PARVA: variants seen among roughly 807,000 people sequenced by gnomAD.
PARVA encodes the protein alpha-parvin.
A neutral mutation model predicts 52.6 loss-of-function variants in PARVA; 25 were observed. The observed-to-expected ratio is 0.48, with a 90% CI of 0.35 to 0.66. PARVA has a LOEUF of 0.66. Among genes scored for constraint, PARVA ranks in the 30% least tolerant of loss-of-function variants. The pLI, the probability that PARVA is intolerant of heterozygous loss-of-function variation, is 0.01. For missense variants in PARVA, 373 were observed against 450.9 expected (o/e 0.83, Z 1.56); for synonymous variants, 185 against 179.1 (o/e 1.03, Z -0.26).
chr11:12,481,843 C>T (rs542170208), intron 4 of PARVA, among the ~76,000 whole-genome samples: 41 of 152,074 alleles, frequency 2.7e-4, no homozygotes, highest in Non-Finnish European at 1.0e-4. Context: ...AGGGGCCTCT[C>T]GTAGCCCAGG....
chr11:12,378,377 A>G (rs1288898022), intron 1 of PARVA, among the ~76,000 whole-genome samples: 1 of 152,032 alleles, frequency 6.6e-6, no homozygotes, highest in East Asian at 1.9e-4. Flanking sequence ...GTGGACATCG[A>G]GTGTTTGTTG....
chr11:12,519,509 G>A (rs530714739), intron 12 of PARVA, among the ~76,000 whole-genome samples: 17 of 152,308 alleles, frequency 1.1e-4, no homozygotes, highest in Admixed American at 2.0e-4. Flanking sequence ...GAACTGTTAC[G>A]AAAGAGGTAC....
At chr11:12,417,940 A>G (rs7942354) in intron 1 of PARVA, among the ~76,000 whole-genome samples, 88,750 of 152,050 alleles carry the variant, frequency 0.58, 26,382 homozygotes, top group African/African-American at 0.7. Flanking sequence ...CCTCCAGATT[A>G]GAGACCCCAG....
chr11:12,418,484 C>A (rs563908618), intron 1 of PARVA, among the ~76,000 whole-genome samples: 1 of 152,110 alleles, frequency 6.6e-6, no homozygotes, highest in African/African-American at 2.4e-5. Flanking sequence ...GGGAGGAGGA[C>A]GAAGACAGTT....
rs1391715703 is a variant in PARVA at position 12,508,107 on chromosome 11, A to C, written c.658-477A>C. Among the ~76,000 whole-genome samples, 12 of 127,078 alleles carry C rather than the reference A, an allele frequency of 9.4e-5. No homozygotes were observed. The South Asian group carries it at 2.7e-3, about 29-fold the overall frequency. 83.4% of individuals were successfully genotyped at this position (127,078 alleles called of 152,430 possible). ...CTCCCATATTTATCAGTTAAAAAAA[A>C]AAAAAAAAAAAAAAACCAAAAAAAA... is the stretch of plus-strand genomic sequence containing the variant. On this transcript the variant is annotated intron_variant, in intron 6 of 12. Transcript: ENST00000334956.
At chr11:12,445,099 A>G (rs967461406) in intron 1 of PARVA, among the ~76,000 whole-genome samples, 4 of 152,280 alleles carry the variant, frequency 2.6e-5, no homozygotes, top group African/African-American at 7.2e-5. Flanking sequence ...CTCTGATTGT[A>G]TATGTACTTG....
chr11:12,417,185 ATTCTTAATAAATAGTTGGACG>A, intron 1 of PARVA, among the ~76,000 whole-genome samples: 1 of 152,226 alleles, frequency 6.6e-6, no homozygotes, highest in African/African-American at 2.4e-5. Flanking sequence ...TTAGGAATTT[ATTCTTAATAAATAGTTGGACG>A]AGGTTGTAAA....
At position 12,443,746 on chromosome 11, in the gene PARVA, A is replaced by G. The variant is rs1191634858; in HGVS notation, c.137-29999A>G. Among the ~76,000 whole-genome samples, 6 of 152,116 alleles carry G rather than the reference A, an allele frequency of 3.9e-5. No individual in the cohort carries two copies. In the East Asian group the frequency reaches 1.2e-3, roughly 29 times the overall value. On this transcript the variant is annotated intron_variant, in intron 1 of 12. Transcript: ENST00000334956. ...GCTTGGATGGAAACAGGTGTAGCAT[A>G]ATTTTTGTTTTCCCTTGCCTGTACC...
intron 1 of PARVA, among the ~76,000 whole-genome samples, chr11:12,422,650 G>T (rs1589951847): frequency 1.3e-5 from 2 of 152,086 alleles, no homozygotes; most frequent in South Asian, 2.1e-4. Context: ...CCTGGCACAG[G>T]GCTGCCACCT....
intron 4 of PARVA, among the ~76,000 whole-genome samples, chr11:12,486,866 GGAA>G (rs1427725580): frequency 1.3e-5 from 2 of 152,132 alleles, no homozygotes; most frequent in Admixed American, 6.5e-5. Context: ...ATAAAATAAA[GGAA>G]GAAGATGAAG....
chr11:12,490,031 A>T (rs534399474), intron 4 of PARVA, among the ~76,000 whole-genome samples: 2 of 152,012 alleles, frequency 1.3e-5, no homozygotes, highest in African/African-American at 4.8e-5. Context: ...CCTGGCTAAC[A>T]TGGTGAAACC....
chr11:12,393,044 GA>G (rs60966710), intron 1 of PARVA, among the ~76,000 whole-genome samples: 2,028 of 46,208 alleles, frequency 0.044, 19 homozygotes, highest in South Asian at 0.12. Context: ...CCCAAATTGT[GA>G]AAAAAAAAAA....
chr11:12,528,032 TC>T lies in PARVA; in HGVS notation c.*110del. ...TATTCCTGTCTCTTGCACTGTGCTCTCCCACAAGTCCAGCTGCAACCCAGAG... is the reference window on the plus strand; with the variant it reads ...TATTCCTGTCTCTTGCACTGTGCTCTCCACAAGTCCAGCTGCAACCCAGAG... On this transcript the variant is annotated 3_prime_UTR_variant, in exon 13 of 13. Coordinates refer to ENST00000334956, the MANE Select transcript of PARVA (RefSeq NM_018222.5). 1 of 793,648 alleles carries T rather than the reference TC, an allele frequency of 1.3e-6. No individual in the cohort carries two copies. The highest frequency in any genetic ancestry group is 2.2e-6 in the Non-Finnish European group (1 of 446,252). 49.2% of individuals were successfully genotyped at this position (793,648 alleles called of 1,614,324 possible).
intron 1 of PARVA, among the ~76,000 whole-genome samples, chr11:12,440,050 C>T (rs568389570): frequency 1.3e-5 from 2 of 152,338 alleles, no homozygotes; most frequent in South Asian, 4.1e-4. Context: ...CTCTCCTTCA[C>T]TAGAATATAA....
intron 1 of PARVA, among the ~76,000 whole-genome samples, chr11:12,465,441 G>A (rs1940842268): frequency 6.6e-6 from 1 of 152,112 alleles, no homozygotes; most frequent in South Asian, 2.1e-4. Flanking sequence ...AACAGAAAAT[G>A]GACTAAGACA....
intron 4 of PARVA, among the ~76,000 whole-genome samples, chr11:12,492,116 A>G (rs1336011228): frequency 2.6e-5 from 4 of 152,198 alleles, no homozygotes. Flanking sequence ...ATATATGACA[A>G]TTGTGTTTGT....
intron 4 of PARVA, among the ~76,000 whole-genome samples, chr11:12,490,516 C>CA (rs34904579): frequency 0.46 from 49,639 of 108,252 alleles, 9,672 homozygotes; most frequent in Non-Finnish European, 0.58. Flanking sequence ...GACTATGTCT[C>CA]AAAAAAAAAA....
chr11:12,509,075 GT>G (rs766152622), intron 7 of PARVA, among the ~76,000 whole-genome samples: 2,253 of 122,704 alleles, frequency 0.018, 24 homozygotes, highest in African/African-American at 0.049. Context: ...GTTTGGGGTG[GT>G]TTTTTTTTTT....
intron 1 of PARVA, among the ~76,000 whole-genome samples, chr11:12,415,374 T>A (rs1331172928): frequency 3.9e-5 from 6 of 152,178 alleles, no homozygotes; most frequent in Non-Finnish European, 8.8e-5. Context: ...GAAAGCCGTA[T>A]GTTGACAACC....
Sources: allele counts gnomAD v4.1 joint callset (sites outside exome capture counted in the v4.1 genomes callset), GRCh38; gene constraint gnomAD v4.1.1; transcripts MANE v1.5; gene names NCBI Gene and HGNC (gene_info 2026-07-23, HGNC 2026-07-21).